MTHFD1L: variants seen among roughly 807,000 people sequenced by gnomAD.
MTHFD1L encodes the protein monofunctional C1-tetrahydrofolate synthase, mitochondrial.
MTHFD1L carries 81 observed loss-of-function variants against 119.5 expected under a neutral mutation model. That is an observed-to-expected ratio of 0.68 (90% confidence interval 0.57 to 0.82). The LOEUF is 0.82. Ranked by LOEUF, MTHFD1L falls within the 40% of genes least tolerant of loss-of-function variation. MTHFD1L has a pLI of 0.00. For missense variants in MTHFD1L, 1,125 were observed against 1,253.4 expected (o/e 0.90, Z 1.55); for synonymous variants, 430 against 475.2 (o/e 0.90, Z 1.24).
At chr6:151,007,565 G>T (rs1233627689) in intron 20 of MTHFD1L, among the ~76,000 whole-genome samples, 1 of 152,192 alleles carries the variant, frequency 6.6e-6, no homozygotes, top group Non-Finnish European at 1.5e-5. Flanking sequence ...TTGCCAAGGT[G>T]CACAGCTGGG....
At chr6:151,011,205 T>A (rs1782164441) in intron 21 of MTHFD1L, among the ~76,000 whole-genome samples, 1 of 152,252 alleles carries the variant, frequency 6.6e-6, no homozygotes. Context: ...GCAAGAATGA[T>A]ATAATACAGA....
At chr6:150,893,966 G>A (rs376291178) in intron 7 of MTHFD1L, among the ~76,000 whole-genome samples, 19 of 152,178 alleles carry the variant, frequency 1.2e-4, no homozygotes, top group African/African-American at 2.4e-4. Flanking sequence ...AATGTGGGCC[G>A]GGTGCAGTGG....
At chr6:150,920,065 G>T (rs1788640307) in intron 9 of MTHFD1L, among the ~76,000 whole-genome samples, 1 of 152,136 alleles carries the variant, frequency 6.6e-6, no homozygotes, top group African/African-American at 2.4e-5. Flanking sequence ...CCTCTCTGTA[G>T]GGCTGCTCAC....
chr6:150,899,944 C>G (rs1225949722), intron 7 of MTHFD1L, among the ~76,000 whole-genome samples: 1 of 150,714 alleles, frequency 6.6e-6, no homozygotes, highest in African/African-American at 2.4e-5. Flanking sequence ...GCACTCCAGC[C>G]TGGGCCACAG....
intron 26 of MTHFD1L, among the ~76,000 whole-genome samples, chr6:151,062,869 C>T (rs1221485778): frequency 2.6e-5 from 4 of 151,866 alleles, no homozygotes; most frequent in African/African-American, 9.7e-5. Flanking sequence ...TTAAGATATC[C>T]ACTTCACCCT....
In MTHFD1L at chr6:150,866,517, G is replaced by T. The variant is rs377433175; in HGVS notation, c.227+468G>T. Reference sequence around the variant, plus strand: ...GGCAAGCGGAGCTCGGGAGAGGCGGGCTCGGGCCCAGCGCCGCCCGCGCGA... The same window carrying T: ...GGCAAGCGGAGCTCGGGAGAGGCGGTCTCGGGCCCAGCGCCGCCCGCGCGA... On this transcript the variant is annotated intron_variant, in intron 1 of 27. Coordinates refer to ENST00000367321, the MANE Select transcript of MTHFD1L (RefSeq NM_015440.5). 96 of 1,289,110 alleles carry T rather than the reference G, an allele frequency of 7.4e-5. No homozygotes were observed. The East Asian group carries it at 2.9e-3, about 40-fold the overall frequency. 79.9% of individuals were successfully genotyped at this position (1,289,110 alleles called of 1,614,324 possible).
At chr6:150,922,167 A>G in intron 9 of MTHFD1L, 38 bp from the exon 10 acceptor site, 1 of 1,481,310 alleles carries the variant, frequency 6.8e-7, no homozygotes, top group Middle Eastern at 1.7e-4. Flanking sequence ...GTCAGCTTTT[A>G]CCATTCTAAC....
intron 11 of MTHFD1L, among the ~76,000 whole-genome samples, chr6:150,932,369 A>G (rs566660395): frequency 2.6e-4 from 39 of 152,226 alleles, no homozygotes; most frequent in African/African-American, 8.7e-4. Flanking sequence ...CATATAATCA[A>G]TGCTCTAGAT....
Position 150,932,070 on chromosome 6 carries a change from G to A in MTHFD1L, c.1257-4734G>A, listed in dbSNP as rs547889477. 5.9e-4 allele frequency among the ~76,000 whole-genome samples: 82 copies of A among 139,948 alleles called. 1 individual carries two copies. The highest frequency in any genetic ancestry group is 4.2e-3 in the Middle Eastern group (1 of 240). The allele number at this position is 139,948 out of a possible 152,430, so 91.8% of individuals were successfully genotyped here. ...CCAGCTACTCAAGAGGGTGAGGCAA[G>A]AGAATTGCTTGAGCCCGGGAGGTGG... On this transcript the variant is annotated intron_variant, in intron 11 of 27. Transcript: ENST00000367321.
At chr6:151,006,882 G>C (rs542865996) in intron 20 of MTHFD1L, among the ~76,000 whole-genome samples, 7 of 152,136 alleles carry the variant, frequency 4.6e-5, no homozygotes, top group Admixed American at 1.3e-4. Flanking sequence ...TAAAATGTAT[G>C]CAACAATCTA....
chr6:150,905,582 C>A, intron 7 of MTHFD1L, 68 bp from the exon 8 acceptor site: 2 of 1,115,532 alleles, frequency 1.8e-6, no homozygotes, highest in Non-Finnish European at 2.7e-6. Context: ...ACTCATTTGA[C>A]ATCAGTAGTT....
chr6:150,960,662 C>T (rs1231847498), intron 18 of MTHFD1L, among the ~76,000 whole-genome samples: 1 of 152,072 alleles, frequency 6.6e-6, no homozygotes, highest in African/African-American at 2.4e-5. Context: ...AGCTTTCCAC[C>T]ATCCTTGCCA....
At chr6:150,994,749 G>A (rs1779592106) in intron 20 of MTHFD1L, among the ~76,000 whole-genome samples, 1 of 152,172 alleles carries the variant, frequency 6.6e-6, no homozygotes, top group Non-Finnish European at 1.5e-5. Flanking sequence ...AAGATTATAT[G>A]GTAGTTAGTG....
intron 13 of MTHFD1L, 111 bp from the exon 14 acceptor site, chr6:150,944,375 G>C: frequency 1.3e-6 from 1 of 759,110 alleles, no homozygotes; most frequent in South Asian, 1.7e-5. Context: ...TTGAGCCCAA[G>C]AGTTTGAGAA....
At chr6:151,092,631 A>G in intron 27 of MTHFD1L, 44 bp downstream of exon 27, 2 of 1,224,760 alleles carry the variant, frequency 1.6e-6, no homozygotes, top group Non-Finnish European at 2.3e-6. Flanking sequence ...GTTTTTTTCC[A>G]GTTCATATCC....
At chr6:151,002,401 A>G (rs760355968) in intron 20 of MTHFD1L, among the ~76,000 whole-genome samples, 8 of 152,220 alleles carry the variant, frequency 5.3e-5, no homozygotes, top group Non-Finnish European at 1.2e-4. Flanking sequence ...GCCTGGCTAC[A>G]TAGAAAATGT....
At position 150,971,967 on chromosome 6, in the gene MTHFD1L, T is replaced by C. The variant is rs762586178; in HGVS notation, c.2034T>C (p.His678=). ...TCTAGGGGACACCTGTGTTCGTGCA[T>C]GCGGGCCCTTTTGCTAACATTGCTC... ...QTLEGTPVFV[H]AGPFANIAHG... is the part of the protein sequence containing the mutation. Residue 678 remains histidine, a synonymous_variant, in exon 20 of 28, where the codon CAT becomes CAC. Coordinates refer to ENST00000367321, the MANE Select transcript of MTHFD1L (RefSeq NM_015440.5). 2.5e-6 allele frequency: 4 copies of C among 1,614,080 alleles called. No homozygotes were observed. In the East Asian group the frequency reaches 6.7e-5, roughly 27 times the overall value.
intron 26 of MTHFD1L, among the ~76,000 whole-genome samples, chr6:151,059,362 A>C (rs1790372185): frequency 6.6e-6 from 1 of 151,460 alleles, no homozygotes; most frequent in Non-Finnish European, 1.5e-5. Context: ...GTATTAGTAG[A>C]GTTGGGGTTT....
intron 8 of MTHFD1L, among the ~76,000 whole-genome samples, chr6:150,911,249 A>G (rs900889314): frequency 6.6e-6 from 1 of 152,194 alleles, no homozygotes; most frequent in Non-Finnish European, 1.5e-5. Flanking sequence ...AAATTAAGTT[A>G]TTACTAATAG....
Sources: gnomAD v4.1 joint callset for allele counts (sites outside exome capture counted in the v4.1 genomes callset) on GRCh38, gnomAD v4.1.1 for gene constraint, MANE v1.5 for transcripts, NCBI Gene and HGNC (gene_info 2026-07-23, HGNC 2026-07-21) for gene names.